The following WDR89 variants were observed in gnomAD, a reference collection of about 807,000 sequenced individuals.
WDR89 encodes WD repeat-containing protein 89.
In WDR89, 17 loss-of-function variants were observed where a neutral mutation model predicts 29.1. The ratio of observed to expected loss-of-function variants is 0.58; its 90% CI spans 0.40 to 0.88. The LOEUF (loss-of-function observed/expected upper bound fraction) is 0.88. Among genes scored for constraint, WDR89 ranks in the 40% least tolerant of loss-of-function variants. The pLI is 0.00. For synonymous variants in WDR89, 138 were observed against 157.8 expected, an observed-to-expected ratio of 0.87 and a Z score of 0.94; for missense variants, 396 against 456.3, an observed-to-expected ratio of 0.87 and a Z score of 1.20.
At chr14:63,632,557 C>T (rs952210589) in intron 1 of WDR89, among the ~76,000 whole-genome samples, 47 of 151,768 alleles carry the variant, frequency 3.1e-4, no homozygotes, top group Admixed American at 2.8e-3. Flanking sequence ...CAATTGAACC[C>T]GGGAGGTGGA....
chr14:63,611,719 T>A lies in WDR89; in HGVS notation c.-31-11746A>T, dbSNP rs576519777. Reference sequence around the variant, plus strand: ...ATCCCCCCCAAAAAAAAATTTTTTTTAAATTTTTATTTATTTTTATTTTTT... The same window carrying A: ...ATCCCCCCCAAAAAAAAATTTTTTTAAAATTTTTATTTATTTTTATTTTTT... On this transcript the variant is annotated intron_variant, in intron 2 of 2. Transcript: ENST00000620954. 5.3e-3 allele frequency among the ~76,000 whole-genome samples: 811 copies of A among 152,110 alleles called. 3 individuals are homozygous for A. Among genetic ancestry groups the A allele is most frequent in the African/African-American group, 0.017 (714 of 41,506 alleles).
chr14:63,609,782 G>A (rs971763026), intron 2 of WDR89, among the ~76,000 whole-genome samples: 4 of 151,550 alleles, frequency 2.6e-5, no homozygotes, highest in Admixed American at 6.6e-5. Context: ...GAGAGAAACT[G>A]TCTCAACAAA....
At chr14:63,622,903 C>T (rs1882791410) in intron 2 of WDR89, among the ~76,000 whole-genome samples, 1 of 151,954 alleles carries the variant, frequency 6.6e-6, no homozygotes. Flanking sequence ...TTTAACAAGT[C>T]AAAAAGGATA....
chr14:63,603,355 A>C (rs1035250174), intron 2 of WDR89, among the ~76,000 whole-genome samples: 13 of 152,178 alleles, frequency 8.5e-5, no homozygotes, highest in African/African-American at 2.7e-4. Context: ...CCATTCCTAA[A>C]TACTTCACTA....
intron 2 of WDR89, among the ~76,000 whole-genome samples, chr14:63,623,449 A>G (rs1422589282): frequency 6.6e-6 from 1 of 152,082 alleles, no homozygotes; most frequent in Non-Finnish European, 1.5e-5. Context: ...CACGCCTGTA[A>G]TCCCAGCACT....
chr14:63,605,530 G>T (rs2139500368), intron 2 of WDR89, among the ~76,000 whole-genome samples: 1 of 151,800 alleles, frequency 6.6e-6, no homozygotes, highest in Non-Finnish European at 1.5e-5. Context: ...CACCATCTCA[G>T]CTCACTGCGA....
intron 1 of WDR89, among the ~76,000 whole-genome samples, chr14:63,625,510 T>C (rs2139552232): frequency 6.6e-6 from 1 of 152,318 alleles, no homozygotes; most frequent in South Asian, 2.1e-4. Context: ...TTAACAAACC[T>C]GATCTCCCAT....
chr14:63,630,435 G>A (rs904397766), intron 1 of WDR89, among the ~76,000 whole-genome samples: 3 of 150,676 alleles, frequency 2.0e-5, no homozygotes, highest in African/African-American at 7.3e-5. Flanking sequence ...CTGAGGTCAG[G>A]AGTTCGAGAC....
At chr14:63,614,044 G>C (rs1049914395) in intron 2 of WDR89, among the ~76,000 whole-genome samples, 4 of 152,008 alleles carry the variant, frequency 2.6e-5, no homozygotes, top group Non-Finnish European at 5.9e-5. Context: ...CTAATATGCA[G>C]TAAATCTAGT....
intron 2 of WDR89, among the ~76,000 whole-genome samples, chr14:63,621,453 C>A (rs1025790449): frequency 1.3e-5 from 2 of 151,960 alleles, no homozygotes; most frequent in Admixed American, 1.3e-4. Flanking sequence ...CATAAATTAG[C>A]TGGGTATGGT....
chr14:63,640,238 G>T (rs905739292), intron 1 of WDR89, among the ~76,000 whole-genome samples: 4 of 152,176 alleles, frequency 2.6e-5, no homozygotes, highest in Admixed American at 2.6e-4. Flanking sequence ...GGCTCCACAA[G>T]AAAGAATTTG....
chr14:63,623,504 G>C lies in WDR89; in HGVS notation c.-32+1424C>G, dbSNP rs141729517. Among the ~76,000 whole-genome samples the C allele has an allele frequency of 6.9e-3, 1,041 of 151,844 alleles. 10 individuals carry two copies. Among genetic ancestry groups the C allele is most frequent in the South Asian group, 0.013 (63 of 4,812 alleles). On this transcript the variant is annotated intron_variant, in intron 2 of 2. Transcript: ENST00000620954. ...GGATCACTTGAGGTCAGGAGTCCAA[G>C]ACCAGCCTGGCCAACGTGGTGAAAC...
At chr14:63,606,861 T>C (rs550111197) in intron 2 of WDR89, among the ~76,000 whole-genome samples, 5 of 152,234 alleles carry the variant, frequency 3.3e-5, no homozygotes, top group African/African-American at 4.8e-5. Context: ...CTTGCTCTCA[T>C]AGCTACTAAG....
intron 1 of WDR89, among the ~76,000 whole-genome samples, chr14:63,637,644 G>C (rs927526121): frequency 6.6e-6 from 1 of 152,024 alleles, no homozygotes; most frequent in African/African-American, 2.4e-5. Flanking sequence ...TGAATTAACA[G>C]CATTTGCCAT....
Position 63,599,907 on chromosome 14 carries a change from G to A in WDR89, c.36C>T (p.His12=). 6.2e-7 allele frequency: 1 copy of A among 1,607,198 alleles called. No homozygotes were observed. The highest frequency in any genetic ancestry group is 8.5e-7 in the Non-Finnish European group (1 of 1,175,236). Residue 12 remains histidine, a synonymous_variant, in exon 3 of 3, where the codon CAC becomes CAT. Coordinates refer to ENST00000620954, the MANE Select transcript of WDR89 (RefSeq NM_080666.4). Reference sequence around the variant, plus strand: ...TGGTTCCTAAGGAACATTTAACAATGTGCAGATTAGCAAATTGTTCCTCAA... The same window carrying A: ...TGGTTCCTAAGGAACATTTAACAATATGCAGATTAGCAAATTGTTCCTCAA... ...EKIEEQFANL[H]IVKCSLGTKE...
At chr14:63,632,673 A>ACAGATGAATTATACAGAATGATAG (rs1284164675) in intron 1 of WDR89, among the ~76,000 whole-genome samples, 7 of 150,592 alleles carry the variant, frequency 4.6e-5, no homozygotes, top group African/African-American at 1.7e-4. Context: ...GATGAATTAT[A>ACAGATGAATTATACAGAATGATAG]CAGATGAATT....
intron 2 of WDR89, among the ~76,000 whole-genome samples, chr14:63,621,173 G>A (rs957021532): frequency 4.6e-5 from 7 of 152,122 alleles, no homozygotes; most frequent in Non-Finnish European, 8.8e-5. Context: ...AGCCTCTGTG[G>A]AAAACACTTT....
At chr14:63,635,887 AAAAC>A (rs1303886917) in intron 1 of WDR89, among the ~76,000 whole-genome samples, 1 of 152,206 alleles carries the variant, frequency 6.6e-6, no homozygotes, top group African/African-American at 2.4e-5. Flanking sequence ...AATAGCTGCA[AAAAC>A]AAACAAACAA....
intron 2 of WDR89, among the ~76,000 whole-genome samples, chr14:63,624,072 C>A (rs1300199192): frequency 6.6e-6 from 1 of 152,094 alleles, no homozygotes; most frequent in African/African-American, 2.4e-5. Context: ...AATCTATGAC[C>A]TTTGGTTAGG....
Sources: allele counts gnomAD v4.1 joint callset (sites outside exome capture counted in the v4.1 genomes callset), GRCh38; gene constraint gnomAD v4.1.1; transcripts MANE v1.5; gene names NCBI Gene and HGNC (gene_info 2026-07-23, HGNC 2026-07-21).